The following MGAM variants were observed in gnomAD, a reference collection of about 807,000 sequenced individuals.
The protein encoded by MGAM is alpha-1,4-glucosidase.
MGAM carries 253 observed loss-of-function variants against 358.8 expected under a neutral mutation model. The observed-to-expected ratio is 0.71, with a 90% CI of 0.64 to 0.78. The LOEUF is 0.78. Among genes scored for constraint, MGAM ranks in the 30% least tolerant of loss-of-function variants. The probability of loss-of-function intolerance (pLI) is 0.00; values close to 1 mark genes in which losing one functional copy is unlikely to be tolerated. For synonymous variants in MGAM, 1,105 were observed against 1,227.1 expected (o/e 0.90, Z 2.08); for missense variants, 3,080 against 3,432.6 (o/e 0.90, Z 2.57).
chr7:141,993,062 C>T (rs1014487512), upstream of MGAM, among the ~76,000 whole-genome samples: 1 of 152,184 alleles, frequency 6.6e-6, no homozygotes, highest in Non-Finnish European at 1.5e-5. Flanking sequence ...AGTAAACTTT[C>T]AAAGAGATAA....
intron 29 of MGAM, 79 bp from the exon 30 acceptor site, chr7:142,056,751 A>G: frequency 7.2e-7 from 1 of 1,384,160 alleles, no homozygotes; most frequent in Non-Finnish European, 1.0e-6. Context: ...GTGCAGGAAG[A>G]TGGAGAATGT....
intron 4 of MGAM, among the ~76,000 whole-genome samples, chr7:142,020,056 G>T (rs182058645): frequency 4.9e-4 from 64 of 131,428 alleles, no homozygotes; most frequent in African/African-American, 1.8e-3. Context: ...GTGACAGAGC[G>T]AGACTCCGTC....
At chr7:142,095,005 C>A in intron 63 of MGAM, 142 bp downstream of exon 63, 1 of 856,858 alleles carries the variant, frequency 1.2e-6, no homozygotes, top group Non-Finnish European at 1.8e-6. Flanking sequence ...CATTCTATTG[C>A]CTAAGCTGGA....
At position 141,999,904 on chromosome 7, in the gene MGAM, GT is replaced by G. The variant is rs5888024; in HGVS notation, c.-3+3982del. Among the ~76,000 whole-genome samples the G allele has an allele frequency of 1.6e-3, 247 of 151,848 alleles. 1 individual carries two copies. The highest frequency in any genetic ancestry group is 5.6e-3 in the African/African-American group (234 of 41,420). On this transcript the variant is annotated intron_variant, in intron 1 of 70. Transcript: ENST00000475668. The stretch of plus-strand genomic sequence containing the variant: ...GTAAGGTCAATCAGATAATGCTGGA[GT>G]TTTTTTTAAGGTTTAAGGAAATCTT...
chr7:142,089,112 A>G (rs1815127279), intron 57 of MGAM, among the ~76,000 whole-genome samples: 1 of 145,668 alleles, frequency 6.9e-6, no homozygotes, highest in South Asian at 2.2e-4. Context: ...TTAGTGGTCC[A>G]AGCAGCCCAC....
rs1054206456 is a variant in MGAM, at chr7:142,099,526, AGGG to A, written c.7750-86_7750-84del. ...GGTGATGAGCAGGCATAAGTTCAGAAGGGAGGATGAGATGTCTGGCAGGATGCA... is the reference window on the plus strand; with the variant it reads ...GGTGATGAGCAGGCATAAGTTCAGAAAGGATGAGATGTCTGGCAGGATGCA... On this transcript the variant is annotated intron_variant, in intron 66 of 70. Coordinates refer to ENST00000475668, the MANE Select transcript of MGAM (RefSeq NM_001365693.1). 20 of 1,598,172 alleles carry A rather than the reference AGGG, an allele frequency of 1.3e-5. No homozygotes were observed. The African/African-American group carries it at 2.5e-4, about 20-fold the overall frequency.
intron 67 of MGAM, 39 bp from the exon 68 acceptor site, chr7:142,100,763 T>C: frequency 6.4e-7 from 1 of 1,569,376 alleles, no homozygotes; most frequent in South Asian, 1.2e-5. Context: ...TGGCTGTGGC[T>C]TTACTTTTAG....
chr7:141,990,669 T>G (rs1466487375), intron 2 of MGAM, among the ~76,000 whole-genome samples: 1 of 152,040 alleles, frequency 6.6e-6, no homozygotes, highest in Non-Finnish European at 1.5e-5. Flanking sequence ...TTTTTTTATG[T>G]TTTTTTATTT....
chr7:141,994,169 C>T (rs1554447906), upstream of MGAM, among the ~76,000 whole-genome samples: 1 of 152,204 alleles, frequency 6.6e-6, no homozygotes, highest in African/African-American at 2.4e-5. Context: ...AGCCACTGCA[C>T]CTGGCCTAAG....
At chr7:142,046,014 TA>T (rs1369071950) in intron 21 of MGAM, among the ~76,000 whole-genome samples, 1 of 125,004 alleles carries the variant, frequency 8.0e-6, no homozygotes, top group African/African-American at 3.1e-5. Context: ...ATATATTATG[TA>T]TACATACAAT....
chr7:142,093,642 C>T, intron 60 of MGAM, 92 bp downstream of exon 60: 1 of 1,293,170 alleles, frequency 7.7e-7, no homozygotes, highest in South Asian at 1.4e-5. Flanking sequence ...CATTCCCATT[C>T]TAAGGGTTAA....
chr7:142,037,468 A>G (rs1226602415), intron 18 of MGAM, among the ~76,000 whole-genome samples: 2 of 152,202 alleles, frequency 1.3e-5, no homozygotes, highest in Non-Finnish European at 2.9e-5. Context: ...CAGGCAATGA[A>G]CATCTCTAAT....
intron 57 of MGAM, among the ~76,000 whole-genome samples, chr7:142,090,088 C>T (rs1815220030): frequency 6.9e-6 from 1 of 145,976 alleles, no homozygotes; most frequent in African/African-American, 2.4e-5. Context: ...TCCTGAGGCC[C>T]AGTGTGTGGG....
chr7:142,004,810 T>A (rs1236654330), intron 1 of MGAM, among the ~76,000 whole-genome samples: 1 of 152,012 alleles, frequency 6.6e-6, no homozygotes, highest in Admixed American at 6.6e-5. Flanking sequence ...TTAAGTAAAT[T>A]TTCCAAGGTA....
At chr7:142,077,808 C>G (rs1813862997) in intron 47 of MGAM, among the ~76,000 whole-genome samples, 1 of 145,538 alleles carries the variant, frequency 6.9e-6, no homozygotes, top group South Asian at 2.2e-4. Flanking sequence ...AAAAAGAAAT[C>G]ATTTGTCCAA....
chr7:142,004,059 G>A (rs1804960403), intron 1 of MGAM, among the ~76,000 whole-genome samples: 1 of 152,004 alleles, frequency 6.6e-6, no homozygotes, highest in Non-Finnish European at 1.5e-5. Context: ...TGGGGAGGAT[G>A]CAGAAAAAAG....
chr7:142,072,483 T>C (rs766849539), intron 44 of MGAM, among the ~76,000 whole-genome samples: 3 of 146,396 alleles, frequency 2.0e-5, no homozygotes, highest in Admixed American at 1.4e-4. Flanking sequence ...ATTTGCTCCT[T>C]AGATGATTTT....
chr7:142,022,850 G>A (rs1563121650), intron 7 of MGAM, among the ~76,000 whole-genome samples: 1 of 152,110 alleles, frequency 6.6e-6, no homozygotes, highest in African/African-American at 2.4e-5. Flanking sequence ...TTTAATCACT[G>A]ACTCACCAGG....
chr7:142,096,429 C>T lies in MGAM; in HGVS notation c.7692+14C>T. 1 of 1,613,508 alleles carries T rather than the reference C, an allele frequency of 6.2e-7. No homozygotes were observed. Among genetic ancestry groups the T allele is most frequent in the Non-Finnish European group, 8.5e-7 (1 of 1,179,558 alleles). ...GTCCTGGAGCGTGTGAGTATGGAGG[C>T]CTCCGATGAGGGGAGGATCCCAGCT... On this transcript the variant is annotated intron_variant, in intron 65 of 70. Transcript: ENST00000475668.
Sources: allele counts gnomAD v4.1 joint callset (sites outside exome capture counted in the v4.1 genomes callset), GRCh38; gene constraint gnomAD v4.1.1; transcripts MANE v1.5; gene names NCBI Gene and HGNC (gene_info 2026-07-23, HGNC 2026-07-21).